Variants in DHX33 observed in about 807,000 individuals in gnomAD.
DHX33 encodes DEAH-box helicase 33.
In DHX33, 42 loss-of-function variants were observed where a neutral mutation model predicts 72.5. The observed-to-expected ratio is 0.58, with a 90% CI of 0.45 to 0.75. The LOEUF is 0.75. Ranked by LOEUF, DHX33 falls within the 30% of genes least tolerant of loss-of-function variation. DHX33 has a pLI of 0.00. For synonymous variants in DHX33, 358 were observed against 366.1 expected (o/e 0.98, Z 0.25); for missense variants, 842 against 917.5 (o/e 0.92, Z 1.06).
At chr17:5,454,103 T>C in intron 6 of DHX33, 123 bp from the exon 7 acceptor site, 1 of 1,171,594 alleles carries the variant, frequency 8.5e-7, no homozygotes, top group Non-Finnish European at 1.2e-6. Flanking sequence ...GCCTCAAGGC[T>C]AGCACAATGG....
chr17:5,462,281 A>C (rs781605625), intron 3 of DHX33, 38 bp downstream of exon 3: 46 of 1,580,732 alleles, frequency 2.9e-5, no homozygotes, highest in Non-Finnish European at 3.3e-5. Flanking sequence ...TTTCAGGGGA[A>C]GTTTCCCTCA....
intron 7 of DHX33, 59 bp downstream of exon 7, chr17:5,453,762 G>A: frequency 6.2e-7 from 1 of 1,612,584 alleles, no homozygotes; most frequent in Non-Finnish European, 8.5e-7. Context: ...CTGCAGCTCT[G>A]GGCAAGCAGG....
chr17:5,456,242 A>G, intron 4 of DHX33, 60 bp from the exon 5 acceptor site: 1 of 1,523,796 alleles, frequency 6.6e-7, no homozygotes, highest in Non-Finnish European at 9.0e-7. Context: ...TGCACAGAAA[A>G]AGACAATGGT....
chr17:5,459,705 C>T (rs1175893928), intron 4 of DHX33, among the ~76,000 whole-genome samples: 1 of 152,198 alleles, frequency 6.6e-6, no homozygotes, highest in Non-Finnish European at 1.5e-5. Flanking sequence ...GCTAGGATTA[C>T]AGGTGTGAGC....
chr17:5,450,769 A>G (rs76563749), intron 9 of DHX33, 38 bp downstream of exon 9: 29,295 of 1,613,572 alleles, frequency 0.018, 528 homozygotes, highest in African/African-American at 0.089. Flanking sequence ...GTTAACTGTA[A>G]TGTACAGAAA....
chr17:5,462,426 CACAGCTGT>C lies in DHX33; in HGVS notation c.563_570del (p.Tyr188CysfsTer5). The C allele has an allele frequency of 6.2e-7, 1 of 1,614,194 alleles. No individual in the cohort carries two copies. Among genetic ancestry groups the C allele is most frequent in the Non-Finnish European group, 8.5e-7 (1 of 1,180,036 alleles). On this transcript the variant is annotated frameshift_variant, in exon 3 of 12. Coordinates refer to ENST00000225296, the MANE Select transcript of DHX33 (RefSeq NM_020162.4). LOFTEE classifies it high-confidence loss of function. Reference sequence around the variant, plus strand: ...CGTTCGTGAGCTTCATCCAAAATGACACAGCTGTATTTCCGAAGCAAAGAGTCTGAAAT... The same window carrying C: ...CGTTCGTGAGCTTCATCCAAAATGACATTTCCGAAGCAAAGAGTCTGAAAT...
chr17:5,451,363 C>T (rs953794950), intron 8 of DHX33, among the ~76,000 whole-genome samples: 2 of 152,184 alleles, frequency 1.3e-5, no homozygotes, highest in Non-Finnish European at 2.9e-5. Context: ...CCTTGACCTC[C>T]CAAAGTGCTA....
intron 4 of DHX33, among the ~76,000 whole-genome samples, chr17:5,456,587 A>G (rs917524235): frequency 2.4e-4 from 37 of 152,338 alleles, no homozygotes; most frequent in African/African-American, 8.7e-4. Context: ...AACCTGACTC[A>G]AAAACACAAA....
In DHX33 at chr17:5,468,490, A is replaced by G. The variant is rs76167316; in HGVS notation, c.289+81T>C. On this transcript the variant is annotated intron_variant, in intron 1 of 11. Coordinates refer to ENST00000225296, the MANE Select transcript of DHX33 (RefSeq NM_020162.4). ...TTTGTTGAAGCCACGAACGAAAGGG[A>G]TTGAGAGGCATGTAAGAAAAACTGC... The G allele has an allele frequency of 5.2e-4, 782 of 1,497,778 alleles. 1 individual carries two copies. The African/African-American group carries it at 8.0e-3, about 15-fold the overall frequency. 92.8% of individuals were successfully genotyped at this position (1,497,778 alleles called of 1,614,324 possible). A position where few individuals can be genotyped will look rare whatever the true frequency, so the allele number is the denominator to read the frequency against.
intron 1 of DHX33, among the ~76,000 whole-genome samples, chr17:5,466,299 G>A (rs1904874046): frequency 6.6e-6 from 1 of 152,150 alleles, no homozygotes; most frequent in South Asian, 2.1e-4. Flanking sequence ...TACATGTTCC[G>A]AGCACACTGA....
chr17:5,460,727 G>T (rs1362120502), intron 4 of DHX33, among the ~76,000 whole-genome samples: 1 of 151,686 alleles, frequency 6.6e-6, no homozygotes, highest in African/African-American at 2.4e-5. Context: ...GGCTGGTCTT[G>T]AACTCCTGAC....
intron 10 of DHX33, 152 bp downstream of exon 10, chr17:5,450,051 C>G: frequency 1.1e-6 from 1 of 931,686 alleles, no homozygotes; most frequent in Non-Finnish European, 1.6e-6. Flanking sequence ...TGAAGCATTT[C>G]TGAAATGCTG....
chr17:5,460,772 G>T (rs187833452), intron 4 of DHX33, among the ~76,000 whole-genome samples, 167 bp downstream of exon 4: 4 of 152,288 alleles, frequency 2.6e-5, no homozygotes, highest in African/African-American at 9.6e-5. Flanking sequence ...CTCCCAAAGT[G>T]CAGGGATTAC....
At chr17:5,451,908 G>A (rs1916931675) in intron 8 of DHX33, among the ~76,000 whole-genome samples, 2 of 152,076 alleles carry the variant, frequency 1.3e-5, no homozygotes, top group South Asian at 2.1e-4. Context: ...ATACTATACG[G>A]AACAAGCTGA....
At position 5,468,561 on chromosome 17, in the gene DHX33, G is replaced by T; in HGVS notation, c.289+10C>A. The stretch of plus-strand genomic sequence containing the variant: ...AGTGCAAGGAAGAGCCCGCCGGCGC[G>T]GCCACTCACCGATGAGGACCGCGTT... On this transcript the variant is annotated intron_variant, in intron 1 of 11. Transcript: ENST00000225296. The T allele has an allele frequency of 6.2e-7, 1 of 1,603,840 alleles. No homozygotes were observed. The highest frequency in any genetic ancestry group is 8.5e-7 in the Non-Finnish European group (1 of 1,175,940).
Position 5,444,057 on chromosome 17 carries a change from T to C in DHX33, c.*148A>G, listed in dbSNP as rs1193636980. On this transcript the variant is annotated 3_prime_UTR_variant, in exon 12 of 12. Transcript: ENST00000225296. The surrounding 1 kb of genome is among the most constrained non-coding windows in gnomAD (Gnocchi z 4.9). ...GTCTATATGGTTCAGTCCCAGGAGT[T>C]GAGCAAAGATGCTTTCACGCTCCTG... The C allele has an allele frequency of 8.1e-6, 7 of 859,688 alleles. No individual in the cohort carries two copies. Among genetic ancestry groups the C allele is most frequent in the Non-Finnish European group, 1.2e-5 (7 of 568,970 alleles). 53.3% of individuals were successfully genotyped at this position (859,688 alleles called of 1,614,324 possible). A position where few individuals can be genotyped will look rare whatever the true frequency, so the allele number is the denominator to read the frequency against.
intron 4 of DHX33, among the ~76,000 whole-genome samples, chr17:5,457,598 C>T (rs1168442220): frequency 8.0e-6 from 1 of 125,116 alleles, no homozygotes; most frequent in Non-Finnish European, 1.6e-5. Flanking sequence ...CACAGTGAGA[C>T]TCCATCTCAA....
Position 5,451,446 on chromosome 17 carries a change from T to A in DHX33, c.1397-512A>T, listed in dbSNP as rs1236850253. 4.6e-5 allele frequency among the ~76,000 whole-genome samples: 7 copies of A among 152,138 alleles called. No homozygotes were observed. In the South Asian group the frequency reaches 6.2e-4, roughly 13 times the overall value. ...ATGACCTGTAATTTGGCAATATGTATGTAGATTTTGAATATACACATTAAA... is the reference window on the plus strand; with the variant it reads ...ATGACCTGTAATTTGGCAATATGTAAGTAGATTTTGAATATACACATTAAA... On this transcript the variant is annotated intron_variant, in intron 8 of 11. Transcript: ENST00000225296.
chr17:5,460,962 C>T lies in DHX33; in HGVS notation c.826G>A (p.Val276Ile), dbSNP rs1292410258. The T allele has an allele frequency of 1.2e-6, 2 of 1,613,286 alleles. No individual in the cohort carries two copies. Among genetic ancestry groups the T allele is most frequent in the African/African-American group, 2.7e-5 (2 of 74,922 alleles). The change falls in exon 4 of 12, where the codon GTC becomes ATC. Residue 276 changes from valine (V) to isoleucine (I), a missense_variant. By Grantham distance (29) the Val-to-Ile change is conservative (BLOSUM62 3). Transcript: ENST00000225296. ...ACCTGGTGGATCTGGAAGACGGAGACAAGCGCGGCGTGCAGGTAATCATTC... is the reference window on the plus strand; with the variant it reads ...ACCTGGTGGATCTGGAAGACGGAGATAAGCGCGGCGTGCAGGTAATCATTC... ...PQNDYLHAAL[V>I]SVFQIHQEAP...
Sources: gnomAD v4.1 joint callset for allele counts (sites outside exome capture counted in the v4.1 genomes callset) on GRCh38, gnomAD v4.1.1 for gene constraint, Gnocchi (gnomAD v3.1) non-coding constraint, MANE v1.5 for transcripts, NCBI Gene and HGNC (gene_info 2026-07-23, HGNC 2026-07-21) for gene names.